The following DHX57 variants were observed in gnomAD, a reference collection of about 807,000 sequenced individuals.
DHX57 encodes the protein DExH-box helicase 57, also known as putative ATP-dependent RNA helicase DHX57.
DHX57 carries 105 observed loss-of-function variants against 156.2 expected under a neutral mutation model. The observed-to-expected ratio is 0.67, with a 90% CI of 0.57 to 0.79. The LOEUF is 0.79. DHX57 is among the 30% of genes least tolerant of loss of function. The pLI is 0.00. For missense variants in DHX57, 1,847 were observed against 1,661.9 expected (o/e 1.11, Z -1.94); for synonymous variants, 704 against 595.6 (o/e 1.18, Z -2.65).
In DHX57 at chr2:38,847,067, G is replaced by C. The variant is rs747806873; in HGVS notation, c.2171C>G (p.Thr724Arg). Reference sequence around the variant, plus strand: ...CAAAAAAAATTGATCAACAGGAAATGTACGACCTAGAAAAACAAGGAGACA... The same window carrying C: ...CAAAAAAAATTGATCAACAGGAAATCTACGACCTAGAAAAACAAGGAGACA... Reference protein sequence around the residue: ...SCPVITIPGRTFPVDQFFLED... With the variant: ...SCPVITIPGRRFPVDQFFLED... The change falls in exon 11 of 24, where the codon ACA becomes AGA. Residue 724 changes from threonine to arginine, a missense_variant. Transcript: ENST00000457308. The C allele has an allele frequency of 1.9e-6, 3 of 1,613,110 alleles. No homozygotes were observed. The African/African-American group carries it at 4.0e-5, about 22-fold the overall frequency.
At chr2:38,814,010 T>C (rs1227937933) in intron 20 of DHX57, 115 bp from the exon 21 acceptor site, 1 of 1,140,572 alleles carries the variant, frequency 8.8e-7, no homozygotes, top group African/African-American at 1.6e-5. Flanking sequence ...CCATCTCAGC[T>C]TACTGCAACC....
At chr2:38,823,362 A>C (rs1180494043) in intron 16 of DHX57, 93 bp from the exon 17 acceptor site, 4 of 1,283,790 alleles carry the variant, frequency 3.1e-6, no homozygotes, top group Non-Finnish European at 4.2e-6. Flanking sequence ...ATAATTTACA[A>C]GTTTAAATAA....
chr2:38,874,224 T>A (rs1490263659), intron 1 of DHX57, among the ~76,000 whole-genome samples: 1 of 151,942 alleles, frequency 6.6e-6, no homozygotes, highest in Non-Finnish European at 1.5e-5. Flanking sequence ...CCTGAATAGC[T>A]GGGACCACAG....
intron 21 of DHX57, among the ~76,000 whole-genome samples, chr2:38,809,161 C>A (rs1032346001): frequency 7.9e-5 from 12 of 151,982 alleles, no homozygotes; most frequent in African/African-American, 2.9e-4. Context: ...ACTCTGTCAC[C>A]CCGGCTGTAG....
intron 21 of DHX57, among the ~76,000 whole-genome samples, chr2:38,812,005 C>T (rs1044866646): frequency 6.6e-6 from 1 of 152,086 alleles, no homozygotes; most frequent in Non-Finnish European, 1.5e-5. Context: ...GCAATCCGCC[C>T]ACCTCAGCCT....
At position 38,798,355 on chromosome 2, in the gene DHX57, A is replaced by T. The variant is rs766613892; in HGVS notation, c.4105T>A (p.Cys1369Ser). 5.0e-6 allele frequency: 8 copies of T among 1,614,012 alleles called. No individual in the cohort carries two copies. The highest frequency in any genetic ancestry group is 8.5e-7 in the Non-Finnish European group (1 of 1,180,030). Reference protein sequence around the residue: ...IKNPSIDLCTCPRGSRIISTI... With the variant: ...IKNPSIDLCTSPRGSRIISTI... The stretch of plus-strand genomic sequence containing the variant: ...CTGATGATCCGGGATCCTCGAGGAC[A>T]CGTACACAGATCAATGCTTGGGTTT... The change falls in exon 24 of 24, where the codon TGT (cysteine) becomes AGT (serine). Residue 1369 changes from cysteine (C) to serine (S), a missense_variant. By Grantham distance (112) the Cys-to-Ser change is moderately radical (BLOSUM62 -1). Coordinates refer to ENST00000457308, the MANE Select transcript of DHX57 (RefSeq NM_198963.3).
At chr2:38,809,270 C>T (rs1249164169) in intron 21 of DHX57, among the ~76,000 whole-genome samples, 1 of 151,872 alleles carries the variant, frequency 6.6e-6, no homozygotes, top group Non-Finnish European at 1.5e-5. Context: ...CAGGCATGTA[C>T]CACCGTGCCT....
intron 23 of DHX57, among the ~76,000 whole-genome samples, chr2:38,801,965 T>C (rs910177905): frequency 3.3e-5 from 5 of 152,208 alleles, no homozygotes; most frequent in African/African-American, 1.2e-4. Context: ...TAGGGAATAA[T>C]TGAGACCTGA....
In DHX57 at chr2:38,863,348, T is replaced by G. The variant is rs1673336598; in HGVS notation, c.383+13A>C. On this transcript the variant is annotated intron_variant, in intron 3 of 23. Coordinates refer to ENST00000457308, the MANE Select transcript of DHX57 (RefSeq NM_198963.3). Reference sequence around the variant, plus strand: ...TCCTTAATATAATAATTGACTCAAATAAAACAATTTACTCAGATCCAGCAT... The same window carrying G: ...TCCTTAATATAATAATTGACTCAAAGAAAACAATTTACTCAGATCCAGCAT... 1 of 1,601,860 alleles carries G rather than the reference T, an allele frequency of 6.2e-7. No individual in the cohort carries two copies. The highest frequency in any genetic ancestry group is 1.8e-5 in the Admixed American group (1 of 56,198).
At chr2:38,827,907 A>T (rs960248938) in intron 14 of DHX57, among the ~76,000 whole-genome samples, 3 of 152,016 alleles carry the variant, frequency 2.0e-5, no homozygotes, top group Non-Finnish European at 4.4e-5. Flanking sequence ...CCCGGGCTGG[A>T]GCGCAATGGT....
Position 38,849,800 on chromosome 2 carries a change from A to T in DHX57, c.2031-1398T>A, listed in dbSNP as rs80147841. ...ATTACTGGGCTTCTCCTAGCCCTTC[A>T]CACAGGTAGCTCCCTCACTTCCTTC... On this transcript the variant is annotated intron_variant, in intron 9 of 23. Coordinates refer to ENST00000457308, the MANE Select transcript of DHX57 (RefSeq NM_198963.3). 3.1e-3 allele frequency among the ~76,000 whole-genome samples: 470 copies of T among 152,248 alleles called. 6 individuals carry two copies. The highest frequency in any genetic ancestry group is 0.01 in the African/African-American group (426 of 41,556).
intron 2 of DHX57, among the ~76,000 whole-genome samples, chr2:38,864,262 A>C (rs1310644379): frequency 1.4e-5 from 2 of 139,400 alleles, no homozygotes; most frequent in Admixed American, 1.5e-4. Context: ...AAAAAAAAAA[A>C]GGCCAGGGGC....
At chr2:38,822,909 C>A in intron 17 of DHX57, 84 bp downstream of exon 17, 1 of 1,340,814 alleles carries the variant, frequency 7.5e-7, no homozygotes, top group Non-Finnish European at 9.7e-7. Context: ...AGGGGGCTCA[C>A]ATGCCCTTGA....
chr2:38,811,480 C>T, intron 21 of DHX57: 1 of 711,404 alleles, frequency 1.4e-6, no homozygotes, highest in Non-Finnish European at 2.5e-6. Context: ...TCAATGAACA[C>T]CTTTTTGGAC....
chr2:38,830,597 T>G (rs190711811), intron 13 of DHX57, among the ~76,000 whole-genome samples: 1 of 151,360 alleles, frequency 6.6e-6, no homozygotes, highest in African/African-American at 2.4e-5. Flanking sequence ...CCATTGCACT[T>G]CACCCTGGGC....
At position 38,806,667 on chromosome 2, in the gene DHX57, C is replaced by T; in HGVS notation, c.3708G>A (p.Gln1236=). 1 of 1,613,900 alleles carries T rather than the reference C, an allele frequency of 6.2e-7. No individual in the cohort carries two copies. Among genetic ancestry groups the T allele is most frequent in the Middle Eastern group, 1.6e-4 (1 of 6,062 alleles). The change falls in exon 22 of 24, where the codon CAG becomes CAA. Residue 1236 remains glutamine, a synonymous_variant. Transcript: ENST00000457308. ...VQVKSPEGKF[Q]KTSTGAVRMQ... ...TTCTGACAGCTCCAGTACTGGTCTT[C>T]TGAAATTTTCCTTCTGGGCTTTTCA...
In DHX57 at chr2:38,858,734, T is replaced by C. The variant is rs753663924; in HGVS notation, c.1514A>G (p.Lys505Arg). The C allele has an allele frequency of 3.9e-5, 63 of 1,614,068 alleles. No individual in the cohort carries two copies. Among genetic ancestry groups the C allele is most frequent in the Non-Finnish European group, 4.8e-5 (57 of 1,180,036 alleles). The stretch of plus-strand genomic sequence containing the variant: ...TGACTTTGCCTGCCAGTCATATCTT[T>C]TGGAAATCTTTTTCTTAAGGTTCAC... ...SYVNLKKKIS[K>R]RYDWQAKSVH... Residue 505 changes from lysine to arginine, a missense_variant, in exon 6 of 24, where the codon AAA (lysine) becomes AGA (arginine). Physicochemically the swap from Lys to Arg is conservative, Grantham distance 26. Transcript: ENST00000457308.
At chr2:38,836,019 G>T (rs1414987302) in intron 13 of DHX57, among the ~76,000 whole-genome samples, 4 of 152,170 alleles carry the variant, frequency 2.6e-5, no homozygotes, top group Admixed American at 6.6e-5. Flanking sequence ...GCCAGACAAT[G>T]AGGAAGAAGA....
chr2:38,848,689 A>C (rs1672419926), intron 9 of DHX57, among the ~76,000 whole-genome samples: 1 of 152,212 alleles, frequency 6.6e-6, no homozygotes, highest in South Asian at 2.1e-4. Context: ...ATGGGGTCTA[A>C]ATCTAAACAA....
Sources: gnomAD v4.1 joint callset for allele counts (sites outside exome capture counted in the v4.1 genomes callset) on GRCh38, gnomAD v4.1.1 for gene constraint, MANE v1.5 for transcripts, NCBI Gene and HGNC (gene_info 2026-07-23, HGNC 2026-07-21) for gene names.